SCFD1: variants seen among roughly 807,000 people sequenced by gnomAD.
SCFD1 encodes the protein sec1 family domain containing 1, also known as sec1 family domain-containing protein 1.
In SCFD1, 37 loss-of-function variants were observed where a neutral mutation model predicts 103.2. The observed-to-expected ratio is 0.36, with a 90% CI of 0.28 to 0.47. The LOEUF (loss-of-function observed/expected upper bound fraction) is 0.47. Ranked by LOEUF, SCFD1 falls within the 20% of genes least tolerant of loss-of-function variation. SCFD1 has a pLI of 1.00. For synonymous variants in SCFD1, 264 were observed against 245.0 expected (o/e 1.08, Z -0.73); for missense variants, 639 against 761.2 (o/e 0.84, Z 1.89).
chr14:30,622,443 G>A, intron 1 of SCFD1, 44 bp downstream of exon 1: 3 of 1,548,236 alleles, frequency 1.9e-6, no homozygotes, highest in Middle Eastern at 1.7e-4. Flanking sequence ...TGACTGCCCC[G>A]ACGACATCCT....
In SCFD1 at chr14:30,673,800, T is replaced by G. The variant is rs529695432; in HGVS notation, c.1087-124T>G. 1.1e-4 allele frequency: 75 copies of G among 680,638 alleles called. 1 individual carries two copies. In the Admixed American group the frequency reaches 1.8e-3, roughly 16 times the overall value. The allele number at this position is 680,638 out of a possible 1,614,324, so 42.2% of individuals were successfully genotyped here. A position where few individuals can be genotyped will look rare whatever the true frequency, so the allele number is the denominator to read the frequency against. On this transcript the variant is annotated intron_variant, in intron 12 of 24. Coordinates refer to ENST00000458591, the MANE Select transcript of SCFD1 (RefSeq NM_016106.4). ...AGAGGAGGAGAATTACTATTCTAGG[T>G]GACTTAAAAATCTTACGGTATATCA...
intron 10 of SCFD1, chr14:30,658,431 C>T (rs939671647): frequency 1.3e-5 from 2 of 154,366 alleles, no homozygotes; most frequent in African/African-American, 4.8e-5. Context: ...CTTGCCCCGT[C>T]GCCCCGGCTG....
chr14:30,639,969 C>A, intron 6 of SCFD1, 105 bp downstream of exon 6: 1 of 1,289,560 alleles, frequency 7.8e-7, no homozygotes, highest in South Asian at 1.5e-5. Flanking sequence ...AGCTTGTTTA[C>A]AGCAGTAGAG....
chr14:30,719,567 TCCA>T (rs1892511724), intron 21 of SCFD1, among the ~76,000 whole-genome samples, 190 bp downstream of exon 21: 1 of 152,218 alleles, frequency 6.6e-6, no homozygotes. Flanking sequence ...TGTTTTTCCT[TCCA>T]CATATACACA....
intron 13 of SCFD1, among the ~76,000 whole-genome samples, chr14:30,674,634 A>T (rs1402332927): frequency 1.3e-5 from 2 of 150,410 alleles, no homozygotes; most frequent in African/African-American, 5.0e-5. Flanking sequence ...GGCGACAGAG[A>T]CTCTGTCTCA....
At chr14:30,626,509 T>G (rs1054137914) in intron 1 of SCFD1, among the ~76,000 whole-genome samples, 2 of 152,164 alleles carry the variant, frequency 1.3e-5, no homozygotes, top group East Asian at 3.9e-4. Context: ...CCCCGAGTTT[T>G]GGGTTGAATG....
rs986892994 is a variant in SCFD1 at position 30,666,931 on chromosome 14, A to G, written c.856-3325A>G. The stretch of plus-strand genomic sequence containing the variant: ...ATCAATAGCCTACCAACCCAAAAAA[A>G]AAGTCCAGGACCAGGTGAATTCACA... On this transcript the variant is annotated intron_variant, in intron 10 of 24. Coordinates refer to ENST00000458591, the MANE Select transcript of SCFD1 (RefSeq NM_016106.4). Among the ~76,000 whole-genome samples, 554 of 152,320 alleles carry G rather than the reference A, an allele frequency of 3.6e-3. 6 individuals carry two copies. The highest frequency in any genetic ancestry group is 0.013 in the African/African-American group (524 of 41,584).
At chr14:30,664,964 AAC>A (rs1304288772) in intron 10 of SCFD1, among the ~76,000 whole-genome samples, 1 of 152,238 alleles carries the variant, frequency 6.6e-6, no homozygotes, top group Non-Finnish European at 1.5e-5. Context: ...CAAGTTGGAA[AAC>A]ACTCTTCAGG....
chr14:30,656,513 C>T (rs909635728), intron 10 of SCFD1, among the ~76,000 whole-genome samples: 2 of 152,112 alleles, frequency 1.3e-5, no homozygotes, highest in African/African-American at 4.8e-5. Flanking sequence ...CTCTAGGTGC[C>T]AGTGGAACTC....
At position 30,631,805 on chromosome 14, in the gene SCFD1, G is replaced by A. The variant is rs539764548; in HGVS notation, c.221+1240G>A. ...TCATGCCAGTAATCCTAGCACTTCT[G>A]GAGGCCCGGGTGGGCGGATCACTTG... is the stretch of plus-strand genomic sequence containing the variant. On this transcript the variant is annotated intron_variant, in intron 3 of 24. Coordinates refer to ENST00000458591, the MANE Select transcript of SCFD1 (RefSeq NM_016106.4). Among the ~76,000 whole-genome samples, 3 of 152,190 alleles carry A rather than the reference G, an allele frequency of 2.0e-5. No homozygotes were observed. The East Asian group carries it at 5.8e-4, about 29-fold the overall frequency.
intron 7 of SCFD1, among the ~76,000 whole-genome samples, chr14:30,646,412 T>C (rs1885835025): frequency 6.6e-6 from 1 of 152,284 alleles, no homozygotes; most frequent in African/African-American, 2.4e-5. Context: ...TTTAGTTCTT[T>C]TTATGTAATG....
chr14:30,724,269 T>A (rs1369621233), intron 23 of SCFD1, among the ~76,000 whole-genome samples: 1 of 142,420 alleles, frequency 7.0e-6, no homozygotes, highest in African/African-American at 2.7e-5. Flanking sequence ...TTTTTTTTTT[T>A]TTTGAGACAG....
In SCFD1 at chr14:30,700,345, C is replaced by G. The variant is rs1272309137; in HGVS notation, c.1410+87C>G. On this transcript the variant is annotated intron_variant, in intron 16 of 24. Transcript: ENST00000458591. ...CAGATTTTAAAACAGAAGTAAAAAT[C>G]ACTGTGGCTAAATATCTGCTTCATT... 6.6e-6 allele frequency: 6 copies of G among 905,300 alleles called. No homozygotes were observed. The African/African-American group carries it at 6.8e-5, about 10-fold the overall frequency. The allele number at this position is 905,300 out of a possible 1,614,324, so 56.1% of individuals were successfully genotyped here.
intron 23 of SCFD1, among the ~76,000 whole-genome samples, chr14:30,733,720 T>C (rs1261336624): frequency 6.6e-6 from 1 of 152,214 alleles, no homozygotes; most frequent in Non-Finnish European, 1.5e-5. Context: ...TAAAGATTGA[T>C]TTTACATTTT....
chr14:30,694,633 A>T, intron 14 of SCFD1, 140 bp from the exon 15 acceptor site: 1 of 1,237,760 alleles, frequency 8.1e-7, no homozygotes. Flanking sequence ...TCAGCCTGGT[A>T]CTTCTGAACT....
rs761048802 is a variant in SCFD1 at position 30,675,019 on chromosome 14, T to C, written c.1196T>C (p.Ile399Thr). 3.8e-6 allele frequency: 6 copies of C among 1,591,096 alleles called. No homozygotes were observed. The highest frequency in any genetic ancestry group is 2.3e-5 in the South Asian group (2 of 86,022). Residue 399 changes from isoleucine (I) to threonine (T), a missense_variant, in exon 14 of 25, where the codon ATT becomes ACT. Physicochemically the swap from Ile to Thr is moderately conservative, Grantham distance 89. Coordinates refer to ENST00000458591, the MANE Select transcript of SCFD1 (RefSeq NM_016106.4). ...GAACTCCTTGAGAAAAAAAGACTTA[T>C]TGATCTCCATACAAATGTTGCCACT... The part of the protein sequence containing the change: ...LPELLEKKRL[I>T]DLHTNVATAV...
intron 14 of SCFD1, among the ~76,000 whole-genome samples, chr14:30,684,729 T>C (rs1472196875): frequency 3.0e-5 from 3 of 98,646 alleles, no homozygotes; most frequent in Non-Finnish European, 5.9e-5. Context: ...TCACTTATTC[T>C]TTTTTTTTTT....
intron 18 of SCFD1, among the ~76,000 whole-genome samples, chr14:30,706,717 T>C (rs374437600): frequency 2.6e-5 from 4 of 152,176 alleles, no homozygotes; most frequent in East Asian, 1.9e-4. Flanking sequence ...ACTACTCTTT[T>C]TGGTACCATA....
At chr14:30,672,739 C>T (rs1404993610) in intron 11 of SCFD1, among the ~76,000 whole-genome samples, 1 of 152,106 alleles carries the variant, frequency 6.6e-6, no homozygotes, top group Non-Finnish European at 1.5e-5. Context: ...AAAACTGTGG[C>T]CCAAGTGCTA....
Sources: gnomAD v4.1 joint callset for allele counts (sites outside exome capture counted in the v4.1 genomes callset) on GRCh38, gnomAD v4.1.1 for gene constraint, MANE v1.5 for transcripts, NCBI Gene and HGNC (gene_info 2026-07-23, HGNC 2026-07-21) for gene names.